The following OSBPL6 variants were observed in gnomAD, a reference collection of about 807,000 sequenced individuals.
OSBPL6 encodes oxysterol binding protein like 6, also known as oxysterol-binding protein-related protein 6.
Under a neutral mutation model 125.8 loss-of-function variants are expected in OSBPL6, and 49 were observed. That is an observed-to-expected ratio of 0.39 (90% CI 0.31 to 0.49). The LOEUF is 0.49. Ranked by LOEUF, OSBPL6 falls within the 20% of genes least tolerant of loss-of-function variation. The probability of loss-of-function intolerance (pLI) is 0.88; values close to 1 mark genes in which losing one functional copy is unlikely to be tolerated. For synonymous variants in OSBPL6, 394 were observed against 391.8 expected, an observed-to-expected ratio of 1.01 and a Z score of -0.07; for missense variants, 986 against 1,135.4, an observed-to-expected ratio of 0.87 and a Z score of 1.89.
Position 178,324,258 on chromosome 2 carries a change from C to A in OSBPL6, c.184C>A (p.Pro62Thr). The A allele has an allele frequency of 6.4e-7, 1 of 1,568,458 alleles. No individual in the cohort carries two copies. Among genetic ancestry groups the A allele is most frequent in the East Asian group, 2.3e-5 (1 of 43,724 alleles). ...GCAATTGCTAGAACCGGAGCCAGTC[C>A]CCCTCTCCAAGGTCAGTGATGAAAT... is the stretch of plus-strand genomic sequence containing the variant. Reference protein sequence around the residue: ...SRQLLEPEPVPLSKEADSWEI... With the variant: ...SRQLLEPEPVTLSKEADSWEI... The change falls in exon 4 of 25, where the codon CCC becomes ACC. Residue 62 changes from proline to threonine, a missense_variant. Around this residue, in one of 3 missense-constraint regions of OSBPL6, gnomAD observed 130 missense variants for 106.4 expected, o/e 1.22. Coordinates refer to ENST00000190611, the MANE Select transcript of OSBPL6 (RefSeq NM_032523.4).
At chr2:178,203,283 ATCCT>A (rs1346525543) in intron 1 of OSBPL6, among the ~76,000 whole-genome samples, 1 of 152,194 alleles carries the variant, frequency 6.6e-6, no homozygotes, top group African/African-American at 2.4e-5. Flanking sequence ...GGCTCAAGCT[ATCCT>A]TCCACCTCAG....
intron 1 of OSBPL6, among the ~76,000 whole-genome samples, chr2:178,219,112 A>G (rs569986225): frequency 3.9e-5 from 6 of 152,142 alleles, no homozygotes; most frequent in African/African-American, 1.4e-4. Context: ...TACTTGTCCA[A>G]TTTGCCTTTA....
At chr2:178,261,497 G>C (rs963740730) in intron 1 of OSBPL6, among the ~76,000 whole-genome samples, 1 of 151,672 alleles carries the variant, frequency 6.6e-6, no homozygotes, top group African/African-American at 2.4e-5. Context: ...TATAGAAGGA[G>C]CTAAGGACAT....
intron 1 of OSBPL6, among the ~76,000 whole-genome samples, chr2:178,239,116 A>G (rs2091182078): frequency 6.6e-6 from 1 of 152,180 alleles, no homozygotes; most frequent in Admixed American, 6.5e-5. Flanking sequence ...AGTCCTTTAT[A>G]TCACCAGTTC....
chr2:178,357,429 G>A (rs1449558273), intron 12 of OSBPL6, among the ~76,000 whole-genome samples: 3 of 152,178 alleles, frequency 2.0e-5, no homozygotes, highest in African/African-American at 7.2e-5. Flanking sequence ...CAAAGGATAT[G>A]AACAGACACT....
Position 178,385,474 on chromosome 2 carries a change from C to T in OSBPL6, c.2030C>T (p.Pro677Leu), listed in dbSNP as rs1264493868. ...FFSEQVSHHP[P>L]ISACHCESKN... is the part of the protein sequence containing the mutation. Reference sequence around the variant, plus strand: ...AATTACCAGGTTAGCCATCATCCACCCATTTCTGCCTGTCACTGTGAATCA... The same window carrying T: ...AATTACCAGGTTAGCCATCATCCACTCATTTCTGCCTGTCACTGTGAATCA... Residue 677 changes from proline (P) to leucine (L), a missense_variant, in exon 19 of 25, where the codon CCC becomes CTC. Pro to Leu is a moderately conservative substitution (Grantham distance 98, BLOSUM62 -3). Around this residue, in one of 3 missense-constraint regions of OSBPL6, gnomAD observed 843 missense variants for 997.3 expected, o/e 0.85. Coordinates refer to ENST00000190611, the MANE Select transcript of OSBPL6 (RefSeq NM_032523.4). 1.9e-6 allele frequency: 3 copies of T among 1,611,276 alleles called. No individual in the cohort carries two copies. Among genetic ancestry groups the T allele is most frequent in the Non-Finnish European group, 2.5e-6 (3 of 1,178,072 alleles).
At position 178,299,697 on chromosome 2, in the gene OSBPL6, A is replaced by G. The variant is rs16866226; in HGVS notation, c.-155-6333A>G. On this transcript the variant is annotated intron_variant, in intron 2 of 24. Transcript: ENST00000190611. ...AACGATTACATTAAATTGTGTCAATATGAGAGTAATAAGTGTTTTACAATA... is the reference window on the plus strand; with the variant it reads ...AACGATTACATTAAATTGTGTCAATGTGAGAGTAATAAGTGTTTTACAATA... Among the ~76,000 whole-genome samples the G allele has an allele frequency of 0.017, 2,565 of 152,346 alleles. 103 individuals carry two copies. In the East Asian group the frequency reaches 0.18, roughly 11 times the overall value.
chr2:178,304,586 A>G (rs938262431), intron 2 of OSBPL6, among the ~76,000 whole-genome samples: 4 of 152,176 alleles, frequency 2.6e-5, no homozygotes, highest in Non-Finnish European at 5.9e-5. Context: ...CCATATCACA[A>G]GCTGTTTATA....
chr2:178,225,569 C>T (rs989514446), intron 1 of OSBPL6, among the ~76,000 whole-genome samples: 1 of 152,104 alleles, frequency 6.6e-6, no homozygotes, highest in Non-Finnish European at 1.5e-5. Context: ...GGGGCTGGTG[C>T]ATTAGTTTGT....
In OSBPL6 at chr2:178,265,301, T is replaced by G. The variant is rs201732658; in HGVS notation, c.-350-19626T>G. On this transcript the variant is annotated intron_variant, in intron 1 of 24. Coordinates refer to ENST00000190611, the MANE Select transcript of OSBPL6 (RefSeq NM_032523.4). Reference sequence around the variant, plus strand: ...CTCATGGCTCACTGTAGCCTCAACCTTCTGGGCTCAAGTGATCCTCCCACC... The same window carrying G: ...CTCATGGCTCACTGTAGCCTCAACCGTCTGGGCTCAAGTGATCCTCCCACC... 8.4e-5 allele frequency among the ~76,000 whole-genome samples: 12 copies of G among 143,428 alleles called. No homozygotes were observed. In the East Asian group the frequency reaches 2.7e-3, roughly 32 times the overall value. 94.1% of individuals were successfully genotyped at this position (143,428 alleles called of 152,430 possible).
rs757606940 is a variant in OSBPL6 at position 178,298,694 on chromosome 2, G to GTTTTT, written c.-155-7336_-155-7335insTTTTT. Among the ~76,000 whole-genome samples the GTTTTT allele has an allele frequency of 6.0e-3, 838 of 139,086 alleles. 15 individuals carry two copies. The highest frequency in any genetic ancestry group is 0.021 in the African/African-American group (807 of 37,596). 91.2% of individuals were successfully genotyped at this position (139,086 alleles called of 152,430 possible). On this transcript the variant is annotated intron_variant, in intron 2 of 24. Transcript: ENST00000190611. ...CACCATGCCCAGCCTATTTTTAGTT[G>GTTTTT]CTTTTTTTTTTGTTTTTTTTTTTTT... is the stretch of plus-strand genomic sequence containing the variant.
In OSBPL6 at chr2:178,324,373, A is replaced by G. The variant is rs545558555; in HGVS notation, c.195+104A>G. 260 of 790,534 alleles carry G rather than the reference A, an allele frequency of 3.3e-4. 2 individuals are homozygous for G. The highest frequency in any genetic ancestry group is 2.8e-3 in the South Asian group (132 of 47,440). The allele number at this position is 790,534 out of a possible 1,614,324, so 49.0% of individuals were successfully genotyped here. A position where few individuals can be genotyped will look rare whatever the true frequency, so the allele number is the denominator to read the frequency against. On this transcript the variant is annotated intron_variant, in intron 4 of 24. Transcript: ENST00000190611. Reference sequence around the variant, plus strand: ...ACCTGACTCCCCTAAAATACTTGTGATGCCACTTGTAGGCAACTCTTTGCA... The same window carrying G: ...ACCTGACTCCCCTAAAATACTTGTGGTGCCACTTGTAGGCAACTCTTTGCA...
At chr2:178,385,003 C>G (rs1694810975) in intron 18 of OSBPL6, among the ~76,000 whole-genome samples, 1 of 152,142 alleles carries the variant, frequency 6.6e-6, no homozygotes, top group African/African-American at 2.4e-5. Context: ...CCAAACACCG[C>G]ATGTTCTCAC....
intron 1 of OSBPL6, among the ~76,000 whole-genome samples, chr2:178,200,940 G>T (rs575842776): frequency 9.9e-5 from 15 of 151,768 alleles, no homozygotes; most frequent in Non-Finnish European, 1.8e-4. Context: ...GATTACAGGC[G>T]CCCGCCAGCA....
chr2:178,361,003 G>A (rs532888728), intron 12 of OSBPL6, among the ~76,000 whole-genome samples: 2 of 152,322 alleles, frequency 1.3e-5, no homozygotes, highest in South Asian at 2.1e-4. Flanking sequence ...GTTCACGATT[G>A]AAGACTGCCT....
intron 1 of OSBPL6, among the ~76,000 whole-genome samples, chr2:178,224,051 C>T (rs76008168): frequency 0.045 from 6,876 of 152,174 alleles, 195 homozygotes; most frequent in South Asian, 0.088. Context: ...AGGGGAACGC[C>T]GCATCTGAAG....
intron 1 of OSBPL6, among the ~76,000 whole-genome samples, chr2:178,263,435 A>G (rs334003): frequency 0.97 from 147,821 of 152,296 alleles, 71,884 homozygotes; most frequent in East Asian, 1. Flanking sequence ...CTGAGATTGC[A>G]CCATTGCACT....
intron 1 of OSBPL6, among the ~76,000 whole-genome samples, chr2:178,276,916 C>T (rs74698594): frequency 0.048 from 7,373 of 152,086 alleles, 322 homozygotes; most frequent in African/African-American, 0.11. Context: ...AGGCAGGAGT[C>T]AGCAAACTGC....
intron 3 of OSBPL6, among the ~76,000 whole-genome samples, chr2:178,319,606 T>C (rs1688061921): frequency 6.6e-6 from 1 of 152,218 alleles, no homozygotes. Context: ...ATAGTCATTA[T>C]TCAAAGGCTT....
Sources: gnomAD v4.1 joint callset for allele counts (sites outside exome capture counted in the v4.1 genomes callset) on GRCh38, gnomAD v4.1.1 for gene constraint, gnomAD v4.1.1 regional missense constraint, MANE v1.5 for transcripts, NCBI Gene and HGNC (gene_info 2026-07-23, HGNC 2026-07-21) for gene names.